DPP6: variants seen among roughly 807,000 people sequenced by gnomAD.
DPP6 encodes the protein A-type potassium channel modulatory protein DPP6.
A neutral mutation model predicts 122.6 loss-of-function variants in DPP6; 69 were observed. The observed-to-expected ratio is 0.56, with a 90% CI of 0.46 to 0.69. The LOEUF (loss-of-function observed/expected upper bound fraction) is 0.69. Among genes scored for constraint, DPP6 ranks in the 30% least tolerant of loss-of-function variants. DPP6 has a pLI of 0.00. For missense variants in DPP6, 928 were observed against 1,116.9 expected, an observed-to-expected ratio of 0.83 and a Z score of 2.41; for synonymous variants, 418 against 433.1, an observed-to-expected ratio of 0.97 and a Z score of 0.43.
intron 1 of DPP6, among the ~76,000 whole-genome samples, chr7:154,316,926 T>A (rs986725230): frequency 6.6e-6 from 1 of 152,062 alleles, no homozygotes; most frequent in African/African-American, 2.4e-5. Flanking sequence ...GTAGGCAGCG[T>A]TGGACAAGTT....
chr7:154,527,089 G>A (rs1827466631), intron 3 of DPP6, among the ~76,000 whole-genome samples: 1 of 152,234 alleles, frequency 6.6e-6, no homozygotes, highest in Non-Finnish European at 1.5e-5. Flanking sequence ...AACTGTAAAT[G>A]TTAATAGAAA....
At chr7:154,368,048 C>T (rs1418917344) in intron 1 of DPP6, among the ~76,000 whole-genome samples, 2 of 152,150 alleles carry the variant, frequency 1.3e-5, no homozygotes, top group African/African-American at 2.4e-5. Context: ...CCTTGTGATT[C>T]ACCTGCCTCG....
At chr7:153,947,378 G>A (rs182497656) in intron 1 of DPP6, among the ~76,000 whole-genome samples, 22 of 152,270 alleles carry the variant, frequency 1.4e-4, no homozygotes. Context: ...TTCTCGGCTT[G>A]TAGCTGGCTG....
chr7:154,248,633 A>G (rs963835990), intron 1 of DPP6, among the ~76,000 whole-genome samples: 3 of 152,192 alleles, frequency 2.0e-5, no homozygotes, highest in African/African-American at 7.2e-5. Context: ...TGGGAGGCCG[A>G]GGCAGGTGGA....
chr7:154,578,629 G>T (rs1273917445), intron 5 of DPP6, among the ~76,000 whole-genome samples: 1 of 152,146 alleles, frequency 6.6e-6, no homozygotes, highest in Non-Finnish European at 1.5e-5. Flanking sequence ...GTGGTGAGTT[G>T]CTTGAACAGT....
chr7:154,882,111 G>A (rs1805438534), intron 21 of DPP6, among the ~76,000 whole-genome samples: 1 of 152,206 alleles, frequency 6.6e-6, no homozygotes, highest in Non-Finnish European at 1.5e-5. Context: ...CCTCCTTCCT[G>A]TGCCTTGCAT....
At chr7:154,826,579 T>C (rs1464057345) in intron 16 of DPP6, among the ~76,000 whole-genome samples, 1 of 152,234 alleles carries the variant, frequency 6.6e-6, no homozygotes, top group Non-Finnish European at 1.5e-5. Context: ...TTCTATGTGC[T>C]AGAGCTACAA....
At chr7:154,870,985 ATG>A (rs1189333493) in intron 18 of DPP6, among the ~76,000 whole-genome samples, 1 of 119,240 alleles carries the variant, frequency 8.4e-6, no homozygotes. Context: ...AAAAAAAAAA[ATG>A]TGTGTGTTAT....
At chr7:154,736,856 G>A (rs1044996433) in intron 8 of DPP6, among the ~76,000 whole-genome samples, 4 of 152,172 alleles carry the variant, frequency 2.6e-5, no homozygotes, top group African/African-American at 9.7e-5. Context: ...CCTCCACAAG[G>A]AAATCATATT....
At chr7:154,687,582 T>C (rs1839693819) in intron 7 of DPP6, among the ~76,000 whole-genome samples, 1 of 152,210 alleles carries the variant, frequency 6.6e-6, no homozygotes, top group African/African-American at 2.4e-5. Flanking sequence ...CATTTCTTTA[T>C]ACATTTAAGA....
chr7:153,909,422 C>T (rs773497670), intron 1 of DPP6, among the ~76,000 whole-genome samples: 2 of 146,804 alleles, frequency 1.4e-5, no homozygotes, highest in African/African-American at 5.1e-5. Context: ...CATGCTTTTA[C>T]ATTTATCTAT....
chr7:154,864,314 T>A (rs1217256547), intron 17 of DPP6, among the ~76,000 whole-genome samples: 19 of 152,190 alleles, frequency 1.2e-4, no homozygotes, highest in Admixed American at 1.2e-3. Context: ...GCCGGGCCAC[T>A]TGGAAGCATG....
At chr7:154,146,721 C>T (rs1412417590) in intron 1 of DPP6, among the ~76,000 whole-genome samples, 5,851 of 143,712 alleles carry the variant, frequency 0.041, no homozygotes, top group African/African-American at 0.15. Flanking sequence ...GGACAGAAGG[C>T]ACTTGTGTCG....
intron 2 of DPP6, among the ~76,000 whole-genome samples, chr7:154,464,352 G>A (rs1033208495): frequency 1.4e-4 from 21 of 152,220 alleles, no homozygotes; most frequent in African/African-American, 4.3e-4. Context: ...ACTCAAGACT[G>A]TCTTTCCCAC....
At chr7:153,858,748 A>G in the DPP6 span, among the ~76,000 whole-genome samples, 5 of 152,182 alleles carry the variant, frequency 3.3e-5, no homozygotes, top group Admixed American at 1.3e-4. Flanking sequence ...TTTAATGAAG[A>G]TGAGATTTTT....
In DPP6 at chr7:154,868,180, T is replaced by C. The variant is rs1804056807; in HGVS notation, c.1813+87T>C. On this transcript the variant is annotated intron_variant, in intron 18 of 25. Coordinates refer to ENST00000377770, the MANE Select transcript of DPP6 (RefSeq NM_130797.4). ...GTGCAGTCATCAGCAGCAGGTGCCC[T>C]GCAAGGAAGACTCCCCAAGCACGGG... is the stretch of plus-strand genomic sequence containing the variant. 3 of 1,498,826 alleles carry C rather than the reference T, an allele frequency of 2.0e-6. No individual in the cohort carries two copies. In the Admixed American group the frequency reaches 6.6e-5, roughly 33 times the overall value. The allele number at this position is 1,498,826 out of a possible 1,614,324, so 92.8% of individuals were successfully genotyped here. A position where few individuals can be genotyped will look rare whatever the true frequency, so the allele number is the denominator to read the frequency against.
intron 20 of DPP6, among the ~76,000 whole-genome samples, chr7:154,879,700 C>G (rs1199332398): frequency 6.6e-6 from 1 of 152,156 alleles, no homozygotes; most frequent in Non-Finnish European, 1.5e-5. Context: ...TGCGGTGAGC[C>G]ACGATCACGC....
At position 154,591,174 on chromosome 7, in the gene DPP6, T is replaced by C. The variant is rs1265837062; in HGVS notation, c.627+24258T>C. On this transcript the variant is annotated intron_variant, in intron 5 of 25. Coordinates refer to ENST00000377770, the MANE Select transcript of DPP6 (RefSeq NM_130797.4). ...CTGGAGAAGAGGGAGGAGAGCCCAATGGCTAGAATCTGGAAGGACAGCCAC... is the reference window on the plus strand; with the variant it reads ...CTGGAGAAGAGGGAGGAGAGCCCAACGGCTAGAATCTGGAAGGACAGCCAC... 2.6e-5 allele frequency among the ~76,000 whole-genome samples: 4 copies of C among 152,376 alleles called. No individual in the cohort carries two copies. The East Asian group carries it at 7.7e-4, about 29-fold the overall frequency.
chr7:154,164,232 C>T (rs550421373), intron 1 of DPP6, among the ~76,000 whole-genome samples: 33 of 147,290 alleles, frequency 2.2e-4, no homozygotes, highest in East Asian at 6.3e-4. Context: ...CCTTCCCTCC[C>T]CTCCCCTCCC....
Sources: gnomAD v4.1 joint callset for allele counts (sites outside exome capture counted in the v4.1 genomes callset) on GRCh38, gnomAD v4.1.1 for gene constraint, MANE v1.5 for transcripts, NCBI Gene and HGNC (gene_info 2026-07-23, HGNC 2026-07-21) for gene names.